The following TRAF3IP3 variants were observed in gnomAD, a reference collection of about 807,000 sequenced individuals.
The protein encoded by TRAF3IP3 is TRAF3 interacting protein 3.
In TRAF3IP3, 64 loss-of-function variants were observed where a neutral mutation model predicts 86.5. That is an observed-to-expected ratio of 0.74 (90% CI 0.60 to 0.91). TRAF3IP3 has a LOEUF of 0.91. Ranked by LOEUF, TRAF3IP3 falls within the 40% of genes least tolerant of loss-of-function variation. The probability of loss-of-function intolerance (pLI) is 0.00; values close to 1 mark genes in which losing one functional copy is unlikely to be tolerated. For missense variants in TRAF3IP3, 579 were observed against 642.9 expected, an observed-to-expected ratio of 0.90 and a Z score of 1.07; for synonymous variants, 220 against 243.9, an observed-to-expected ratio of 0.90 and a Z score of 0.91.
At chr1:209,781,287 G>C in intron 15 of TRAF3IP3, 58 bp from the exon 16 acceptor site, 1 of 1,233,668 alleles carries the variant, frequency 8.1e-7, no homozygotes, top group Middle Eastern at 1.9e-4. Flanking sequence ...AGTCTCCCCT[G>C]CCTGGGCTCT....
intron 8 of TRAF3IP3, among the ~76,000 whole-genome samples, chr1:209,768,878 G>A (rs1022809233): frequency 1.1e-4 from 16 of 152,232 alleles, no homozygotes; most frequent in African/African-American, 3.6e-4. Context: ...CGACTTTTAT[G>A]ACGTTTTGGG....
At chr1:209,761,852 G>A (rs2077250551) in intron 3 of TRAF3IP3, among the ~76,000 whole-genome samples, 1 of 152,202 alleles carries the variant, frequency 6.6e-6, no homozygotes. Flanking sequence ...TATGTAAGTG[G>A]CCATAACCAA....
chr1:209,777,156 G>A (rs1258206522), intron 11 of TRAF3IP3, 196 bp from the exon 12 acceptor site: 2 of 444,794 alleles, frequency 4.5e-6, no homozygotes, highest in Non-Finnish European at 7.9e-6. Flanking sequence ...CTAATCTGCT[G>A]TTATAAATAT....
intron 13 of TRAF3IP3, chr1:209,778,459 G>A: frequency 5.1e-6 from 2 of 393,774 alleles, no homozygotes; most frequent in Non-Finnish European, 9.0e-6. Context: ...TCCTAAAGCA[G>A]TTCTTATTTT....
intron 15 of TRAF3IP3, chr1:209,780,887 G>T (rs947413818): frequency 4.7e-6 from 1 of 211,592 alleles, no homozygotes; most frequent in East Asian, 1.2e-4. Context: ...TCAATATGTC[G>T]TCCCACATTG....
At chr1:209,764,958 T>G (rs889383415) in intron 8 of TRAF3IP3, among the ~76,000 whole-genome samples, 3 of 152,120 alleles carry the variant, frequency 2.0e-5, no homozygotes, top group African/African-American at 4.8e-5. Flanking sequence ...GAAGATCACC[T>G]GAGGTCAGGA....
chr1:209,769,653 C>G lies in TRAF3IP3; in HGVS notation c.703-3295C>G, dbSNP rs372081771. Among the ~76,000 whole-genome samples the G allele has an allele frequency of 7.2e-5, 11 of 152,346 alleles. No homozygotes were observed. The East Asian group carries it at 1.3e-3, about 19-fold the overall frequency. ...GATACCACTTCCTGCCTCTCCCAGGCACCCTGAAACTCACTGAGGGAGGCG... is the reference window on the plus strand; with the variant it reads ...GATACCACTTCCTGCCTCTCCCAGGGACCCTGAAACTCACTGAGGGAGGCG... On this transcript the variant is annotated intron_variant, in intron 8 of 16. Coordinates refer to ENST00000367025, the MANE Select transcript of TRAF3IP3 (RefSeq NM_025228.4).
chr1:209,777,287 C>T (rs2077674566), intron 11 of TRAF3IP3, 65 bp from the exon 12 acceptor site: 1 of 1,441,386 alleles, frequency 6.9e-7, no homozygotes, highest in Non-Finnish European at 9.4e-7. Context: ...TTCCATGGTA[C>T]CCGCCCCCCA....
Position 209,777,491 on chromosome 1 carries a change from C to T in TRAF3IP3, c.1189+4C>T. 1 of 1,608,910 alleles carries T rather than the reference C, an allele frequency of 6.2e-7. No individual in the cohort carries two copies. Among genetic ancestry groups the T allele is most frequent in the East Asian group, 2.2e-5 (1 of 44,680 alleles). ...TTGGATACCCAGGACCTACAAGGTA[C>T]TCTTCTCCTTGGAGGCCTTGAGTGC... On this transcript the variant is annotated splice_donor_region_variant and intron_variant, in intron 12 of 16. Coordinates refer to ENST00000367025, the MANE Select transcript of TRAF3IP3 (RefSeq NM_025228.4).
chr1:209,768,578 G>C, intron 8 of TRAF3IP3: 2 of 985,786 alleles, frequency 2.0e-6, no homozygotes, highest in Non-Finnish European at 2.4e-6. Flanking sequence ...TCTGTGGTGA[G>C]GTGGTGGTGT....
chr1:209,768,431 A>G, intron 8 of TRAF3IP3: 1 of 985,526 alleles, frequency 1.0e-6, no homozygotes, highest in Non-Finnish European at 1.2e-6. Context: ...GTGCAATACA[A>G]AAACGAGAGC....
At chr1:209,769,906 A>G (rs2077430424) in intron 8 of TRAF3IP3, among the ~76,000 whole-genome samples, 1 of 151,990 alleles carries the variant, frequency 6.6e-6, no homozygotes, top group Admixed American at 6.6e-5. Context: ...ACTTGCTCTC[A>G]TTGATGGCTC....
chr1:209,771,102 G>A (rs2077497194), intron 8 of TRAF3IP3, among the ~76,000 whole-genome samples: 1 of 147,412 alleles, frequency 6.8e-6, no homozygotes, highest in Non-Finnish European at 1.5e-5. Context: ...GCAGGTGGAA[G>A]TGTGCATGCA....
intron 11 of TRAF3IP3, chr1:209,776,522 C>G (rs145494677): frequency 3.3e-5 from 5 of 152,254 alleles, no homozygotes; most frequent in Admixed American, 3.3e-4. Flanking sequence ...CCCAGCTGGT[C>G]ACTCTGCGTG....
chr1:209,779,245 A>C (rs1571965630), intron 13 of TRAF3IP3, 70 bp from the exon 14 acceptor site: 4 of 1,335,926 alleles, frequency 3.0e-6, no homozygotes, highest in Non-Finnish European at 4.3e-6. Flanking sequence ...GGTTCTAAGC[A>C]AAGTTCTGAA....
At chr1:209,763,432 A>G (rs1334522129) in intron 7 of TRAF3IP3, 40 bp downstream of exon 7, 3 of 1,613,338 alleles carry the variant, frequency 1.9e-6, no homozygotes, top group Non-Finnish European at 2.5e-6. Context: ...TCCTCCATCC[A>G]CTTACCCCCG....
rs762671547 is a variant in TRAF3IP3 at position 209,763,482 on chromosome 1, G to C, written c.607-10G>C. On this transcript the variant is annotated splice_polypyrimidine_tract_variant and intron_variant, in intron 7 of 16. Transcript: ENST00000367025. ...TCTTACCCTCTTGCACTTTGTGCCC[G>C]CACCCCCAGGAGGCCCTACAAAGGG... 1.9e-6 allele frequency: 3 copies of C among 1,613,630 alleles called. No homozygotes were observed. The highest frequency in any genetic ancestry group is 2.5e-6 in the Non-Finnish European group (3 of 1,179,738).
At chr1:209,765,216 A>AGAGAGG (rs1558012915) in intron 8 of TRAF3IP3, among the ~76,000 whole-genome samples, 2 of 87,144 alleles carry the variant, frequency 2.3e-5, no homozygotes, top group African/African-American at 1.0e-4. Context: ...AGAGAGAGGG[A>AGAGAGG]GAGAGAGAGA....
In TRAF3IP3 at chr1:209,775,648, A is replaced by G. The variant is rs2077638219; in HGVS notation, c.965A>G (p.Tyr322Cys). The change falls in exon 11 of 17, where the codon TAT becomes TGT. Residue 322 changes from tyrosine to cysteine, a missense_variant. Tyr to Cys is a radical substitution (Grantham distance 194). Transcript: ENST00000367025. ...EQKCEEWRSQ[Y>C]EALKEDWRTL... Reference sequence around the variant, plus strand: ...AAGTGTGAAGAGTGGAGGAGCCAGTATGAGGCTCTGAAGGAGGACTGGAGG... The same window carrying G: ...AAGTGTGAAGAGTGGAGGAGCCAGTGTGAGGCTCTGAAGGAGGACTGGAGG... The G allele has an allele frequency of 6.2e-7, 1 of 1,614,150 alleles. No homozygotes were observed. Among genetic ancestry groups the G allele is most frequent in the Non-Finnish European group, 8.5e-7 (1 of 1,180,004 alleles).
Sources: allele counts gnomAD v4.1 joint callset (sites outside exome capture counted in the v4.1 genomes callset), GRCh38; gene constraint gnomAD v4.1.1; transcripts MANE v1.5; gene names NCBI Gene and HGNC (gene_info 2026-07-23, HGNC 2026-07-21).